The following DENND1A variants were observed in gnomAD, a reference collection of about 807,000 sequenced individuals.
DENND1A encodes the protein DENN domain containing 1A.
In DENND1A, 51 loss-of-function variants were observed where a neutral mutation model predicts 113.7. The ratio of observed to expected loss-of-function variants is 0.45; its 90% CI spans 0.36 to 0.57. The LOEUF is 0.57. Among genes scored for constraint, DENND1A ranks in the 20% least tolerant of loss-of-function variants. The probability of loss-of-function intolerance (pLI) is 0.00; values close to 1 mark genes in which losing one functional copy is unlikely to be tolerated. For synonymous variants in DENND1A, 565 were observed against 570.8 expected (o/e 0.99, Z 0.14); for missense variants, 1,258 against 1,395.9 (o/e 0.90, Z 1.57).
chr9:123,419,793 A>G (rs950841344), intron 19 of DENND1A, among the ~76,000 whole-genome samples: 1 of 152,234 alleles, frequency 6.6e-6, no homozygotes, highest in Non-Finnish European at 1.5e-5. Context: ...GCTCTCTTGC[A>G]GGCACAGCTC....
At chr9:123,817,364 C>T (rs1347752055) in intron 2 of DENND1A, among the ~76,000 whole-genome samples, 2 of 152,020 alleles carry the variant, frequency 1.3e-5, no homozygotes, top group Admixed American at 1.3e-4. Context: ...GTCCACACGC[C>T]GGGGGGTTTA....
intron 12 of DENND1A, among the ~76,000 whole-genome samples, chr9:123,559,013 TGTCAAGAAG>T (rs1406769397): frequency 5.3e-5 from 8 of 152,150 alleles, no homozygotes; most frequent in African/African-American, 1.9e-4. Context: ...TAACAGAGCT[TGTCAAGAAG>T]GTCAAGGAAG....
intron 19 of DENND1A, among the ~76,000 whole-genome samples, chr9:123,421,932 C>G (rs2045341155): frequency 6.6e-6 from 1 of 152,216 alleles, no homozygotes; most frequent in East Asian, 1.9e-4. Flanking sequence ...AGCCAGCCCC[C>G]TCACGGGCCA....
intron 5 of DENND1A, among the ~76,000 whole-genome samples, chr9:123,723,126 T>G (rs1366321287): frequency 1.3e-5 from 2 of 152,184 alleles, no homozygotes; most frequent in African/African-American, 4.8e-5. Flanking sequence ...ACGGAGTCAA[T>G]GGAGATAATT....
chr9:123,725,377 G>C (rs1319005966), intron 5 of DENND1A, among the ~76,000 whole-genome samples: 1 of 152,192 alleles, frequency 6.6e-6, no homozygotes, highest in Non-Finnish European at 1.5e-5. Flanking sequence ...GTTTCCTTCT[G>C]TCCCGCATGC....
intron 13 of DENND1A, among the ~76,000 whole-genome samples, chr9:123,496,673 A>C (rs1010003525): frequency 7.2e-5 from 11 of 152,190 alleles, no homozygotes; most frequent in African/African-American, 1.2e-4. Context: ...AACTGCGCAA[A>C]TATCCTGTGA....
intron 2 of DENND1A, among the ~76,000 whole-genome samples, chr9:123,866,107 C>T (rs1845771092): frequency 6.6e-6 from 1 of 152,192 alleles, no homozygotes; most frequent in Admixed American, 6.5e-5. Context: ...GGAAAATGTG[C>T]TTTATGTTCA....
chr9:123,664,839 A>T (rs1357972347), intron 8 of DENND1A, among the ~76,000 whole-genome samples: 1 of 152,208 alleles, frequency 6.6e-6, no homozygotes, highest in Non-Finnish European at 1.5e-5. Flanking sequence ...GTACATGATC[A>T]GTTCTTATAA....
At chr9:123,582,620 C>T (rs2058965673) in intron 12 of DENND1A, among the ~76,000 whole-genome samples, 2 of 152,002 alleles carry the variant, frequency 1.3e-5, no homozygotes, top group South Asian at 4.1e-4. Context: ...AGGATGGTCT[C>T]ACTTTCCTGA....
Position 123,387,866 on chromosome 9 carries a change from A to G in DENND1A, c.1632-8T>C. ...CGCAAGGGCTTTACCAGGCTGGGGC[A>G]GAGGAAGACAAAAGAGAAGAGAACA... On this transcript the variant is annotated splice_polypyrimidine_tract_variant and splice_region_variant and intron_variant, in intron 21 of 23. Transcript: ENST00000394215. 7.8e-7 allele frequency: 1 copy of G among 1,289,638 alleles called. No individual in the cohort carries two copies. Among genetic ancestry groups the G allele is most frequent in the Non-Finnish European group, 1.0e-6 (1 of 988,558 alleles). The allele number at this position is 1,289,638 out of a possible 1,614,324, so 79.9% of individuals were successfully genotyped here. A position where few individuals can be genotyped will look rare whatever the true frequency, so the allele number is the denominator to read the frequency against.
intron 2 of DENND1A, among the ~76,000 whole-genome samples, chr9:123,824,487 T>C (rs1838997131): frequency 6.6e-6 from 1 of 152,214 alleles, no homozygotes; most frequent in Non-Finnish European, 1.5e-5. Flanking sequence ...ATTTTTGGAT[T>C]TGGAAAATCA....
chr9:123,763,526 G>A (rs2071218986), intron 4 of DENND1A, among the ~76,000 whole-genome samples: 1 of 152,144 alleles, frequency 6.6e-6, no homozygotes, highest in South Asian at 2.1e-4. Context: ...GAATACACTA[G>A]TTAGGAAATC....
chr9:123,382,075 C>T lies in DENND1A; in HGVS notation c.2570G>A (p.Ser857Asn). The change falls in exon 24 of 24, where the codon AGC becomes AAC. Residue 857 changes from serine (S) to asparagine (N), a missense_variant. Ser to Asn is a conservative substitution (Grantham distance 46, BLOSUM62 1). Transcript: ENST00000394215. ...LDPLSTAWSG[S>N]TLPSRPATPN... is the part of the protein sequence containing the mutation. Reference sequence around the variant, plus strand: ...GGTGGCGGGGCGTGACGGGAGGGTGCTGCCTGACCAGGCTGTGCTGAGCGG... The same window carrying T: ...GGTGGCGGGGCGTGACGGGAGGGTGTTGCCTGACCAGGCTGTGCTGAGCGG... The T allele has an allele frequency of 6.6e-7, 1 of 1,518,518 alleles. No homozygotes were observed. The highest frequency in any genetic ancestry group is 8.8e-7 in the Non-Finnish European group (1 of 1,135,184). 94.1% of individuals were successfully genotyped at this position (1,518,518 alleles called of 1,614,324 possible).
intron 5 of DENND1A, among the ~76,000 whole-genome samples, chr9:123,755,225 C>T (rs1007040049): frequency 6.6e-6 from 1 of 151,402 alleles, no homozygotes; most frequent in Non-Finnish European, 1.5e-5. Context: ...TGGGTTCAAG[C>T]GATTCTCATG....
At chr9:123,805,144 C>T (rs183322839) in intron 2 of DENND1A, among the ~76,000 whole-genome samples, 40 of 152,186 alleles carry the variant, frequency 2.6e-4, no homozygotes, top group African/African-American at 8.7e-4. Flanking sequence ...AGGTAGTTTC[C>T]CAATGTGGCC....
chr9:123,735,943 G>A (rs537780759), intron 5 of DENND1A, among the ~76,000 whole-genome samples: 1 of 152,228 alleles, frequency 6.6e-6, no homozygotes, highest in Middle Eastern at 3.4e-3. Context: ...AGGTTGCAGT[G>A]AGCCGAGATT....
At chr9:123,639,013 G>C (rs2061865440) in intron 9 of DENND1A, among the ~76,000 whole-genome samples, 1 of 120,262 alleles carries the variant, frequency 8.3e-6, no homozygotes, top group Admixed American at 9.9e-5. Context: ...CCTTCAGGTG[G>C]TGAGTTACTA....
At chr9:123,844,366 C>A (rs954921625) in intron 2 of DENND1A, among the ~76,000 whole-genome samples, 2 of 152,108 alleles carry the variant, frequency 1.3e-5, no homozygotes, top group Non-Finnish European at 2.9e-5. Flanking sequence ...ACTAGTTCAT[C>A]AAATCTGCAG....
intron 2 of DENND1A, among the ~76,000 whole-genome samples, chr9:123,812,780 A>G (rs1055667460): frequency 1.3e-5 from 2 of 152,090 alleles, no homozygotes; most frequent in African/African-American, 4.8e-5. Flanking sequence ...TGCCTATCTA[A>G]AAAATTTCTT....
Sources: allele counts gnomAD v4.1 joint callset (sites outside exome capture counted in the v4.1 genomes callset), GRCh38; gene constraint gnomAD v4.1.1; transcripts MANE v1.5; gene names NCBI Gene and HGNC (gene_info 2026-07-23, HGNC 2026-07-21).